FFAR4: variants seen among roughly 807,000 people sequenced by gnomAD.
FFAR4 encodes G-protein coupled receptor 120.
In FFAR4, 19 loss-of-function variants were observed where a neutral mutation model predicts 27.0. The observed-to-expected ratio is 0.70, with a 90% CI of 0.49 to 1.03. The LOEUF (loss-of-function observed/expected upper bound fraction) is 1.03. Among genes scored for constraint, FFAR4 ranks in the 50% least tolerant of loss-of-function variants. FFAR4 has a pLI of 0.00. For missense variants in FFAR4, 476 were observed against 479.0 expected (o/e 0.99, Z 0.06); for synonymous variants, 254 against 215.6 (o/e 1.18, Z -1.56).
At position 93,567,260 on chromosome 10, in the gene FFAR4, C is replaced by T; in HGVS notation, c.540C>T (p.Val180=). Residue 180 remains valine (V), a synonymous_variant, in exon 1 of 3, where the codon GTC becomes GTT. Transcript: ENST00000371481. ...CTCTCTGCGTCTTCTTCCGAGTCGT[C>T]CCGCAACGGCTCCCCGGCGCCGACC... ...ALPLCVFFRV[V]PQRLPGADQE... is the part of the protein sequence containing the mutation. The T allele has an allele frequency of 6.2e-7, 1 of 1,600,342 alleles. No homozygotes were observed. Among genetic ancestry groups the T allele is most frequent in the Non-Finnish European group, 8.5e-7 (1 of 1,179,660 alleles).
At chr10:93,577,598 A>G (rs557799355) in intron 2 of FFAR4, among the ~76,000 whole-genome samples, 1 of 152,388 alleles carries the variant, frequency 6.6e-6, no homozygotes, top group East Asian at 1.9e-4. Context: ...GGGACCAGGC[A>G]TATGATAGTG....
intron 1 of FFAR4, among the ~76,000 whole-genome samples, chr10:93,573,295 T>C (rs1221833497): frequency 6.6e-6 from 1 of 152,216 alleles, no homozygotes; most frequent in African/African-American, 2.4e-5. Flanking sequence ...CCAATTCTGC[T>C]TCTGTAACTC....
Position 93,579,601 on chromosome 10 carries a change from A to C in FFAR4, c.696+3382A>C, listed in dbSNP as rs190554539. ...TTTATGACAGTCATCTGTCTTGCCC[A>C]CTACAATGCAAGCTCCATGAGAGCA... On this transcript the variant is annotated intron_variant, in intron 2 of 2. Transcript: ENST00000371481. Among the ~76,000 whole-genome samples, 3 of 152,322 alleles carry C rather than the reference A, an allele frequency of 2.0e-5. No homozygotes were observed. The East Asian group carries it at 5.8e-4, about 29-fold the overall frequency.
rs569707951 is a variant in FFAR4 at position 93,568,684 on chromosome 10, A to C, written c.567+1397A>C. Among the ~76,000 whole-genome samples the C allele has an allele frequency of 2.0e-5, 3 of 152,258 alleles. No homozygotes were observed. In the South Asian group the frequency reaches 6.2e-4, roughly 32 times the overall value. On this transcript the variant is annotated intron_variant, in intron 1 of 2. Coordinates refer to ENST00000371481, the MANE Select transcript of FFAR4 (RefSeq NM_001195755.2). ...GGGGGTTTTCCCAGACCAGTCTCTC[A>C]CACAGCCCTTTTATTGGGGGTAGGA...
At chr10:93,576,048 G>T (rs923163634) in intron 1 of FFAR4, 43 bp from the exon 2 acceptor site, 2 of 1,608,968 alleles carry the variant, frequency 1.2e-6, no homozygotes, top group Non-Finnish European at 1.7e-6. Flanking sequence ...AGGCCAATAA[G>T]AAGCCAGCAT....
chr10:93,573,311 C>A (rs1180391424), intron 1 of FFAR4, among the ~76,000 whole-genome samples: 2 of 152,232 alleles, frequency 1.3e-5, no homozygotes, highest in Admixed American at 1.3e-4. Flanking sequence ...AACTCAGTAA[C>A]AAGGCAGGCC....
At chr10:93,582,957 C>T (rs1229480341) in intron 2 of FFAR4, among the ~76,000 whole-genome samples, 1 of 152,092 alleles carries the variant, frequency 6.6e-6, no homozygotes, top group Non-Finnish European at 1.5e-5. Context: ...AACTCATTCA[C>T]TATCACAAGA....
chr10:93,579,238 G>C, intron 2 of FFAR4: 1 of 1,570,780 alleles, frequency 6.4e-7, no homozygotes, highest in Admixed American at 1.7e-5. Context: ...CAGAGTAACA[G>C]AGCAAATATG....
chr10:93,569,463 G>T (rs753039998), intron 1 of FFAR4, among the ~76,000 whole-genome samples: 1 of 152,198 alleles, frequency 6.6e-6, no homozygotes, highest in Non-Finnish European at 1.5e-5. Flanking sequence ...ACTTAGTACC[G>T]CACCACTGTT....
At position 93,587,625 on chromosome 10, in the gene FFAR4, G is replaced by A. The variant is rs184928035; in HGVS notation, c.*16G>A. The A allele has an allele frequency of 2.9e-4, 471 of 1,603,136 alleles. 1 individual carries two copies. The Middle Eastern group carries it at 3.1e-3, about 11-fold the overall frequency. Reference sequence around the variant, plus strand: ...TTCTGGCTAATTTTTCTTTATAGCCGAGTTTCTCACACCTGGCGAGCTGTG... The same window carrying A: ...TTCTGGCTAATTTTTCTTTATAGCCAAGTTTCTCACACCTGGCGAGCTGTG... On this transcript the variant is annotated 3_prime_UTR_variant, in exon 3 of 3. Coordinates refer to ENST00000371481, the MANE Select transcript of FFAR4 (RefSeq NM_001195755.2).
chr10:93,569,865 C>T (rs1424902732), intron 1 of FFAR4, among the ~76,000 whole-genome samples: 4 of 151,746 alleles, frequency 2.6e-5, no homozygotes, highest in Non-Finnish European at 4.4e-5. Flanking sequence ...TGGAGACAAG[C>T]CTGGCCAACG....
chr10:93,587,074 C>T (rs61254968), intron 2 of FFAR4, 146 bp from the exon 3 acceptor site: 55,595 of 658,726 alleles, frequency 0.084, 2,869 homozygotes, highest in African/African-American at 0.16. Flanking sequence ...TTCTCCAGCA[C>T]ATCCTAAGCT....
intron 2 of FFAR4, among the ~76,000 whole-genome samples, chr10:93,578,564 T>C (rs544526931): frequency 2.6e-5 from 4 of 152,220 alleles, no homozygotes; most frequent in Non-Finnish European, 5.9e-5. Context: ...TTAGTTACCA[T>C]CTCTGGGCCT....
At position 93,587,465 on chromosome 10, in the gene FFAR4, A is replaced by G. The variant is rs1254098716; in HGVS notation, c.942A>G (p.Ser314=). The G allele has an allele frequency of 6.2e-7, 1 of 1,613,896 alleles. No individual in the cohort carries two copies. The highest frequency in any genetic ancestry group is 1.3e-5 in the African/African-American group (1 of 74,830). The change falls in exon 3 of 3, where the codon TCA becomes TCG. Residue 314 remains serine (S), a synonymous_variant. Coordinates refer to ENST00000371481, the MANE Select transcript of FFAR4 (RefSeq NM_001195755.2). ...TGGTGGCCTTCACATTTGCTAATTC[A>G]GCCCTAAACCCCATCCTCTACAACA... ...FWVVAFTFAN[S]ALNPILYNMT...
chr10:93,570,249 A>C (rs1251911877), intron 1 of FFAR4, among the ~76,000 whole-genome samples: 1 of 151,774 alleles, frequency 6.6e-6, no homozygotes, highest in Non-Finnish European at 1.5e-5. Flanking sequence ...ACAAACAGAA[A>C]AAACCCAATT....
intron 2 of FFAR4, among the ~76,000 whole-genome samples, chr10:93,585,964 T>A (rs1187237185): frequency 6.6e-6 from 1 of 152,218 alleles, no homozygotes; most frequent in Non-Finnish European, 1.5e-5. Flanking sequence ...AGGATCCATT[T>A]TCTCCCGCTC....
Position 93,567,114 on chromosome 10 carries a change from G to A in FFAR4, c.394G>A (p.Val132Ile), listed in dbSNP as rs1294051227. The A allele has an allele frequency of 1.1e-5, 18 of 1,608,808 alleles. No individual in the cohort carries two copies. The highest frequency in any genetic ancestry group is 1.4e-5 in the Non-Finnish European group (17 of 1,178,776). ...CGTCACCATCCTCACGCTGGCCGCG[G>A]TCAGCCTGGAGCGCATGGTGTGCAT... is the stretch of plus-strand genomic sequence containing the variant. Reference protein sequence around the residue: ...GSVTILTLAAVSLERMVCIVH... With the variant: ...GSVTILTLAAISLERMVCIVH... Residue 132 changes from valine (V) to isoleucine (I), a missense_variant, in exon 1 of 3, where the codon GTC becomes ATC. Transcript: ENST00000371481.
Position 93,589,542 on chromosome 10 carries a change from A to G in FFAR4, c.*1933A>G, listed in dbSNP as rs1007361139. On this transcript the variant is annotated 3_prime_UTR_variant, in exon 3 of 3. Coordinates refer to ENST00000371481, the MANE Select transcript of FFAR4 (RefSeq NM_001195755.2). ...CTCAAGGGGAATACTCTGATTTTTT[A>G]GCCTGTCATTGGTTGGATGGTGAAG... is the stretch of plus-strand genomic sequence containing the variant. 6.9e-6 allele frequency: 1 copy of G among 144,184 alleles called. No individual in the cohort carries two copies. Among genetic ancestry groups the G allele is most frequent in the Non-Finnish European group, 1.5e-5 (1 of 66,906 alleles). The allele number at this position is 144,184 out of a possible 1,614,324, so 8.9% of individuals were successfully genotyped here. A position where few individuals can be genotyped will look rare whatever the true frequency, so the allele number is the denominator to read the frequency against.
Position 93,587,252 on chromosome 10 carries a change from A to G in FFAR4, c.729A>G (p.Val243=), listed in dbSNP as rs116394356. 3 of 1,614,068 alleles carry G rather than the reference A, an allele frequency of 1.9e-6. No individual in the cohort carries two copies. Among genetic ancestry groups the G allele is most frequent in the Non-Finnish European group, 2.5e-6 (3 of 1,179,990 alleles). ...AGGCATCAAGGAAGAGGCTCACGGT[A>G]AGCCTGGCCTACTCGGAGAGCCACC... ...ITKASRKRLT[V]SLAYSESHQI... is the part of the protein sequence containing the mutation. Residue 243 remains valine (V), a synonymous_variant, in exon 3 of 3, where the codon GTA becomes GTG. Coordinates refer to ENST00000371481, the MANE Select transcript of FFAR4 (RefSeq NM_001195755.2).
Sources: gnomAD v4.1 joint callset for allele counts (sites outside exome capture counted in the v4.1 genomes callset) on GRCh38, gnomAD v4.1.1 for gene constraint, MANE v1.5 for transcripts, NCBI Gene and HGNC (gene_info 2026-07-23, HGNC 2026-07-21) for gene names.